The following GABRB2 variants were observed in gnomAD, a reference collection of about 807,000 sequenced individuals.
GABRB2 encodes gamma-aminobutyric acid receptor subunit beta-2.
GABRB2 carries 16 observed loss-of-function variants against 54.7 expected under a neutral mutation model. The ratio of observed to expected loss-of-function variants is 0.29; its 90% confidence interval spans 0.20 to 0.44. The LOEUF is 0.44. Among genes scored for constraint, GABRB2 ranks in the 20% least tolerant of loss-of-function variants. The pLI is 1.00. For synonymous variants in GABRB2, 244 were observed against 233.8 expected, an observed-to-expected ratio of 1.04 and a Z score of -0.40; for missense variants, 355 against 644.0, an observed-to-expected ratio of 0.55 and a Z score of 4.86.
intron 3 of GABRB2, among the ~76,000 whole-genome samples, chr5:161,479,585 ATTT>A (rs10691457): frequency 1.5e-5 from 2 of 137,650 alleles, no homozygotes; most frequent in African/African-American, 2.7e-5. Flanking sequence ...CATTGAAACA[ATTT>A]TTTTTTTTTT....
At chr5:161,334,993 T>G in intron 6 of GABRB2, 89 bp from the exon 7 acceptor site, 1 of 1,301,664 alleles carries the variant, frequency 7.7e-7, no homozygotes, top group Non-Finnish European at 1.1e-6. Flanking sequence ...ACCTCTTCTC[T>G]CAGTTCAGTT....
chr5:161,510,878 T>C (rs1056427817), intron 3 of GABRB2, among the ~76,000 whole-genome samples: 1 of 151,978 alleles, frequency 6.6e-6, no homozygotes, highest in South Asian at 2.1e-4. Context: ...TCCAAGGTTT[T>C]ACACCTTCTG....
At chr5:161,469,417 C>A (rs1483311452) in intron 3 of GABRB2, among the ~76,000 whole-genome samples, 2 of 151,630 alleles carry the variant, frequency 1.3e-5, no homozygotes, top group Admixed American at 1.3e-4. Context: ...AGTAAGAGCA[C>A]CAATTGTTCC....
chr5:161,456,801 C>A (rs1757966863), intron 4 of GABRB2, among the ~76,000 whole-genome samples: 1 of 152,012 alleles, frequency 6.6e-6, no homozygotes, highest in Non-Finnish European at 1.5e-5. Context: ...TCAATGCAGA[C>A]CTATGGAATA....
At chr5:161,491,441 G>A (rs62381574) in intron 3 of GABRB2, among the ~76,000 whole-genome samples, 30,969 of 151,442 alleles carry the variant, frequency 0.2, 3,610 homozygotes, top group Non-Finnish European at 0.27. Context: ...CAATTTATGG[G>A]AATTATGCAA....
chr5:161,473,369 T>A (rs1314489807), intron 3 of GABRB2, among the ~76,000 whole-genome samples: 1 of 151,954 alleles, frequency 6.6e-6, no homozygotes, highest in Non-Finnish European at 1.5e-5. Context: ...TGATCCAAGA[T>A]GCGGAAAAAG....
At chr5:161,303,360 T>G (rs889266946) in intron 9 of GABRB2, among the ~76,000 whole-genome samples, 3 of 152,184 alleles carry the variant, frequency 2.0e-5, no homozygotes, top group East Asian at 3.9e-4. Flanking sequence ...TTGTAATGAG[T>G]AAGCCACCTG....
intron 4 of GABRB2, among the ~76,000 whole-genome samples, chr5:161,449,516 G>A (rs912116629): frequency 2.0e-5 from 3 of 152,030 alleles, no homozygotes; most frequent in Admixed American, 6.6e-5. Flanking sequence ...AAAATTTACC[G>A]ATTTCATGAA....
chr5:161,534,158 A>AT (rs1183045900), intron 3 of GABRB2, among the ~76,000 whole-genome samples: 1 of 152,120 alleles, frequency 6.6e-6, no homozygotes, highest in Middle Eastern at 3.2e-3. Flanking sequence ...ACCTGAAACA[A>AT]TTTTGCCCCC....
Position 161,529,227 on chromosome 5 carries a change from A to C in GABRB2, c.237+16000T>G, listed in dbSNP as rs114139912. Among the ~76,000 whole-genome samples, 490 of 152,140 alleles carry C rather than the reference A, an allele frequency of 3.2e-3. 6 individuals are homozygous for C. The highest frequency in any genetic ancestry group is 0.011 in the African/African-American group (460 of 41,540). ...ATAATTACTAGTTGACTTAATTTCA[A>C]AATGACTTAGACTGTGTACTTCTAC... is the stretch of plus-strand genomic sequence containing the variant. On this transcript the variant is annotated intron_variant, in intron 3 of 9. Coordinates refer to ENST00000393959, the MANE Select transcript of GABRB2 (RefSeq NM_001371727.1).
In GABRB2 at chr5:161,492,408, T is replaced by C. The variant is rs112934895; in HGVS notation, c.238-32564A>G. Among the ~76,000 whole-genome samples the C allele has an allele frequency of 1.3e-4, 20 of 151,904 alleles. 1 individual carries two copies. Among genetic ancestry groups the C allele is most frequent in the African/African-American group, 4.8e-4 (20 of 41,522 alleles). Reference sequence around the variant, plus strand: ...AAGTGATCGTCTATGCCTGAATTAATGCAGGCCTTAAAAGTTCTTCTTGCT... The same window carrying C: ...AAGTGATCGTCTATGCCTGAATTAACGCAGGCCTTAAAAGTTCTTCTTGCT... On this transcript the variant is annotated intron_variant, in intron 3 of 9. Transcript: ENST00000393959.
At chr5:161,297,084 GT>G (rs1311629603) in intron 9 of GABRB2, among the ~76,000 whole-genome samples, 2 of 152,078 alleles carry the variant, frequency 1.3e-5, no homozygotes, top group Non-Finnish European at 2.9e-5. Flanking sequence ...TGCCCTTGTG[GT>G]GTAGATGTAT....
Position 161,546,564 on chromosome 5 carries a change from T to C in GABRB2, c.77+3A>G. On this transcript the variant is annotated splice_donor_region_variant and intron_variant, in intron 1 of 9. Coordinates refer to ENST00000393959, the MANE Select transcript of GABRB2 (RefSeq NM_001371727.1). ...GGAAAAGAGAAACGCTGGGCACACT[T>C]ACCTCTGCGCACAGACAGCGGCGAT... 6.3e-7 allele frequency: 1 copy of C among 1,595,400 alleles called. No individual in the cohort carries two copies. Among genetic ancestry groups the C allele is most frequent in the Non-Finnish European group, 8.5e-7 (1 of 1,169,658 alleles).
At chr5:161,466,323 T>G (rs1018925663) in intron 3 of GABRB2, among the ~76,000 whole-genome samples, 1 of 152,072 alleles carries the variant, frequency 6.6e-6, no homozygotes, top group African/African-American at 2.4e-5. Context: ...GAAGCACTAT[T>G]ATCCTTTGTA....
intron 4 of GABRB2, among the ~76,000 whole-genome samples, chr5:161,453,416 GAGA>G (rs1482781318): frequency 6.6e-6 from 1 of 152,182 alleles, no homozygotes; most frequent in Non-Finnish European, 1.5e-5. Context: ...AGCCTTTGGG[GAGA>G]AGATTAGGTC....
At chr5:161,476,873 G>A (rs1192201853) in intron 3 of GABRB2, among the ~76,000 whole-genome samples, 1 of 151,788 alleles carries the variant, frequency 6.6e-6, no homozygotes, top group Non-Finnish European at 1.5e-5. Context: ...TCATGACATT[G>A]GATTTTGTAA....
At chr5:161,310,511 C>A (rs1405077203) in intron 9 of GABRB2, among the ~76,000 whole-genome samples, 1 of 152,106 alleles carries the variant, frequency 6.6e-6, no homozygotes, top group Non-Finnish European at 1.5e-5. Context: ...TCTTCCCATG[C>A]CTATGCATGA....
intron 4 of GABRB2, among the ~76,000 whole-genome samples, chr5:161,428,288 C>CAT (rs376562580): frequency 1.4e-5 from 2 of 145,292 alleles, no homozygotes; most frequent in Admixed American, 6.9e-5. Flanking sequence ...CAGAGAGTTA[C>CAT]GTGTGTGTGT....
At chr5:161,530,224 T>C (rs1366653305) in intron 3 of GABRB2, among the ~76,000 whole-genome samples, 1 of 152,150 alleles carries the variant, frequency 6.6e-6, no homozygotes, top group Non-Finnish European at 1.5e-5. Context: ...AGACGTATTT[T>C]GTCCAAATCT....
Sources: gnomAD v4.1 joint callset for allele counts (sites outside exome capture counted in the v4.1 genomes callset) on GRCh38, gnomAD v4.1.1 for gene constraint, MANE v1.5 for transcripts, NCBI Gene and HGNC (gene_info 2026-07-23, HGNC 2026-07-21) for gene names.